CABIN1: variants seen among roughly 807,000 people sequenced by gnomAD.
CABIN1 encodes the protein calcineurin-binding protein cabin-1.
In CABIN1, 133 loss-of-function variants were observed where a neutral mutation model predicts 227.7. The observed-to-expected ratio is 0.58, with a 90% confidence interval of 0.51 to 0.67. The LOEUF is 0.67. CABIN1 is among the 30% of genes least tolerant of loss of function. CABIN1 has a pLI of 0.00. For missense variants in CABIN1, 2,408 were observed against 2,852.5 expected (o/e 0.84, Z 3.55); for synonymous variants, 1,086 against 1,155.1 (o/e 0.94, Z 1.21).
In CABIN1 at chr22:24,171,965, GC is replaced by G; in HGVS notation, c.6011del (p.Ala2004ValfsTer35). 6.2e-7 allele frequency: 1 copy of G among 1,612,974 alleles called. No individual in the cohort carries two copies. Among genetic ancestry groups the G allele is most frequent in the Non-Finnish European group, 8.5e-7 (1 of 1,180,000 alleles). On this transcript the variant is annotated frameshift_variant, in exon 34 of 37. Coordinates refer to ENST00000263119, the MANE Select transcript of CABIN1 (RefSeq NM_012295.4). LOFTEE classifies it high-confidence loss of function. ...GCCTCCCCGGCCACACAGGCCTGAA[GC>G]TACCCCCAGCATGGCCTCTCTGGGC... ...PGPPRPHRPE[A>X]TPSMASLGPE...
intron 29 of CABIN1, among the ~76,000 whole-genome samples, chr22:24,159,077 C>G (rs1032358181): frequency 6.6e-6 from 1 of 152,224 alleles, no homozygotes; most frequent in South Asian, 2.1e-4. Context: ...CTCTTCCCCC[C>G]AGGGGCTTCA....
chr22:24,147,458 T>G (rs1388224626), intron 29 of CABIN1, among the ~76,000 whole-genome samples: 1 of 150,852 alleles, frequency 6.6e-6, no homozygotes, highest in East Asian at 1.9e-4. Flanking sequence ...TCTTTCTTTT[T>G]TTTTTGAGAC....
chr22:24,059,880 A>G (rs1215855869), intron 11 of CABIN1, 44 bp from the exon 12 acceptor site: 1 of 1,525,558 alleles, frequency 6.6e-7, no homozygotes, highest in Non-Finnish European at 9.1e-7. Flanking sequence ...CTGGCATGGA[A>G]GGTACTCTTT....
At chr22:24,065,897 G>A (rs924607983) in intron 15 of CABIN1, among the ~76,000 whole-genome samples, 5 of 152,294 alleles carry the variant, frequency 3.3e-5, no homozygotes, top group African/African-American at 9.6e-5. Context: ...GCAGGCACTC[G>A]GCAGGCTGAG....
In CABIN1 at chr22:24,048,457, A is replaced by G. The variant is rs145294933; in HGVS notation, c.527-634A>G. ...TTTCCTTGAAACAGGGTCTCACTCT[A>G]TTGCCCAGGCTAGAGTACGGTGGTA... On this transcript the variant is annotated intron_variant, in intron 6 of 36. Coordinates refer to ENST00000263119, the MANE Select transcript of CABIN1 (RefSeq NM_012295.4). Among the ~76,000 whole-genome samples the G allele has an allele frequency of 9.4e-3, 1,431 of 151,994 alleles. 28 individuals are homozygous for G. Among genetic ancestry groups the G allele is most frequent in the African/African-American group, 0.032 (1,343 of 41,410 alleles).
Position 24,101,734 on chromosome 22 carries a change from C to T in CABIN1, c.4117+3542C>T, listed in dbSNP as rs572183156. 6 of 152,360 alleles carry T rather than the reference C, an allele frequency of 3.9e-5. No homozygotes were observed. The East Asian group carries it at 5.8e-4, about 15-fold the overall frequency. The allele number at this position is 152,360 out of a possible 1,614,324, so 9.4% of individuals were successfully genotyped here. A position where few individuals can be genotyped will look rare whatever the true frequency, so the allele number is the denominator to read the frequency against. Reference sequence around the variant, plus strand: ...TGTTGAAGCTTCCTGACCAGGAAAACGAGGTGACCCGAGGAGCACATTGTG... The same window carrying T: ...TGTTGAAGCTTCCTGACCAGGAAAATGAGGTGACCCGAGGAGCACATTGTG... On this transcript the variant is annotated intron_variant, in intron 26 of 36. Transcript: ENST00000263119.
intron 10 of CABIN1, among the ~76,000 whole-genome samples, chr22:24,058,961 CCT>C (rs978303186): frequency 1.3e-5 from 2 of 152,226 alleles, no homozygotes; most frequent in African/African-American, 4.8e-5. Flanking sequence ...GTATTTGGTG[CCT>C]AGCACAGTGC....
intron 29 of CABIN1, among the ~76,000 whole-genome samples, chr22:24,139,201 G>A (rs1210094158): frequency 6.6e-6 from 1 of 152,164 alleles, no homozygotes; most frequent in Non-Finnish European, 1.5e-5. Context: ...CTTCTCAGAG[G>A]TGCTTCTGTG....
intron 28 of CABIN1, among the ~76,000 whole-genome samples, chr22:24,124,785 C>G (rs143514268): frequency 6.6e-6 from 1 of 152,260 alleles, no homozygotes; most frequent in East Asian, 1.9e-4. Flanking sequence ...CCCTGCTCTC[C>G]CAGTTGCCTC....
intron 1 of CABIN1, among the ~76,000 whole-genome samples, chr22:24,021,316 G>A (rs1449256051): frequency 2.6e-5 from 4 of 151,680 alleles, no homozygotes; most frequent in Admixed American, 2.6e-4. Context: ...CACCAAGCCT[G>A]GCCATCATTT....
intron 11 of CABIN1, among the ~76,000 whole-genome samples, 181 bp downstream of exon 11, chr22:24,059,544 A>G (rs1363623002): frequency 6.6e-6 from 1 of 152,232 alleles, no homozygotes; most frequent in Non-Finnish European, 1.5e-5. Context: ...TGAAATGTCC[A>G]GGCTCATACT....
In CABIN1 at chr22:24,072,499, C is replaced by T. The variant is rs200775775; in HGVS notation, c.2621C>T (p.Pro874Leu). The T allele has an allele frequency of 6.2e-7, 1 of 1,614,194 alleles. No individual in the cohort carries two copies. The change falls in exon 18 of 37, where the codon CCA becomes CTA. Residue 874 changes from proline (P) to leucine (L), a missense_variant. Pro to Leu is a moderately conservative substitution (Grantham distance 98). Transcript: ENST00000263119. ...TGCCACCAGCAGCAGCTCCAAAACC[C>T]AGCGGAGGAAGGTGCACAGGCAGTG... The part of the protein sequence containing the change: ...SLCHQQQLQN[P>L]AEEGMSETPM...
chr22:24,042,262 T>A (rs1440224917), intron 5 of CABIN1, among the ~76,000 whole-genome samples: 1 of 152,218 alleles, frequency 6.6e-6, no homozygotes, highest in African/African-American at 2.4e-5. Context: ...CATATTTTCT[T>A]TTCTTTCTTC....
chr22:24,167,669 T>G (rs1002877884), intron 32 of CABIN1, among the ~76,000 whole-genome samples: 16 of 152,228 alleles, frequency 1.1e-4, no homozygotes, highest in Non-Finnish European at 2.2e-4. Flanking sequence ...TCATTTTGCC[T>G]TCTTTTTTTA....
At chr22:24,111,461 C>T (rs2147754588) in intron 26 of CABIN1, among the ~76,000 whole-genome samples, 1 of 152,262 alleles carries the variant, frequency 6.6e-6, no homozygotes, top group East Asian at 1.9e-4. Context: ...TTGTGAACTG[C>T]ACATGTGAGG....
intron 24 of CABIN1, among the ~76,000 whole-genome samples, chr22:24,094,597 C>T (rs1489553311): frequency 1.3e-5 from 2 of 151,268 alleles, no homozygotes; most frequent in Non-Finnish European, 2.9e-5. Context: ...GCGGGTGGAT[C>T]ATGAGGTCAG....
intron 10 of CABIN1, among the ~76,000 whole-genome samples, chr22:24,057,736 T>C (rs769883318): frequency 4.6e-5 from 7 of 152,178 alleles, no homozygotes; most frequent in Non-Finnish European, 1.0e-4. Flanking sequence ...GAAGGTGAAA[T>C]GCTTAGAAAT....
chr22:24,055,327 C>T (rs934118521), intron 9 of CABIN1, among the ~76,000 whole-genome samples, 168 bp downstream of exon 9: 5 of 152,262 alleles, frequency 3.3e-5, no homozygotes, highest in African/African-American at 1.2e-4. Flanking sequence ...TCAGCCTGCT[C>T]ACAGTGCCAC....
intron 29 of CABIN1, among the ~76,000 whole-genome samples, chr22:24,151,474 T>C (rs571963846): frequency 2.1e-4 from 32 of 152,250 alleles, no homozygotes; most frequent in Admixed American, 5.9e-4. Context: ...CTTTTCTCCA[T>C]GTGAATGTCA....
Sources: gnomAD v4.1 joint callset for allele counts (sites outside exome capture counted in the v4.1 genomes callset) on GRCh38, gnomAD v4.1.1 for gene constraint, MANE v1.5 for transcripts, NCBI Gene and HGNC (gene_info 2026-07-23, HGNC 2026-07-21) for gene names.